The following STRIP1 variants were observed in gnomAD, a reference collection of about 807,000 sequenced individuals.
The protein encoded by STRIP1 is striatin interacting protein 1, also known as striatin-interacting protein 1.
In STRIP1, 63 loss-of-function variants were observed where a neutral mutation model predicts 106.2. The observed-to-expected ratio is 0.59, with a 90% CI of 0.48 to 0.73. The LOEUF (loss-of-function observed/expected upper bound fraction) is 0.73, where lower values mean the gene tolerates loss of function less well. Among genes scored for constraint, STRIP1 ranks in the 30% least tolerant of loss-of-function variants. The pLI is 0.00. For synonymous variants in STRIP1, 390 were observed against 413.0 expected (o/e 0.94, Z 0.67); for missense variants, 857 against 1,074.8 (o/e 0.80, Z 2.83).
rs146631809 is a variant in STRIP1, at chr1:110,043,739, G to C, written c.1169G>C (p.Ser390Thr). The C allele has an allele frequency of 6.2e-7, 1 of 1,614,092 alleles. No individual in the cohort carries two copies. Among genetic ancestry groups the C allele is most frequent in the African/African-American group, 1.3e-5 (1 of 74,944 alleles). The change falls in exon 10 of 21, where the codon AGT becomes ACT. Residue 390 changes from serine to threonine, a missense_variant. Ser to Thr is a moderately conservative substitution (Grantham distance 58). Coordinates refer to ENST00000369795, the MANE Select transcript of STRIP1 (RefSeq NM_033088.4). ...EEEEENDDDN[S>T]LEGETFPLER... The stretch of plus-strand genomic sequence containing the variant: ...GAAGAGGAGAATGATGATGACAACA[G>C]TCTGGAGGGGGAGACGTTTCCCCTG...
chr1:110,049,421 C>T lies in STRIP1; in HGVS notation c.1789-39C>T, dbSNP rs200499914. The T allele has an allele frequency of 8.3e-5, 121 of 1,454,652 alleles. No individual in the cohort carries two copies. The African/African-American group carries it at 9.2e-4, about 11-fold the overall frequency. The allele number at this position is 1,454,652 out of a possible 1,614,324, so 90.1% of individuals were successfully genotyped here. A position where few individuals can be genotyped will look rare whatever the true frequency, so the allele number is the denominator to read the frequency against. ...GGAAAGAGGGCAAGGTCCCAAGGGC[C>T]GCGCCTTTTTTTTTTTTTTTTTTTC... On this transcript the variant is annotated intron_variant, in intron 16 of 20. Coordinates refer to ENST00000369795, the MANE Select transcript of STRIP1 (RefSeq NM_033088.4).
intron 4 of STRIP1, 29 bp downstream of exon 4, chr1:110,039,335 T>C: frequency 6.2e-7 from 1 of 1,613,980 alleles, no homozygotes; most frequent in Non-Finnish European, 8.5e-7. Context: ...CAGGGTTCCC[T>C]GGCACCTCTG....
At chr1:110,047,079 C>T (rs893549549) in intron 13 of STRIP1, among the ~76,000 whole-genome samples, 9 of 152,124 alleles carry the variant, frequency 5.9e-5, no homozygotes, top group African/African-American at 2.2e-4. Context: ...TCTTCAGCCC[C>T]CGGGATCCCC....
intron 15 of STRIP1, 101 bp downstream of exon 15, chr1:110,047,970 C>A: frequency 3.0e-6 from 3 of 988,790 alleles, no homozygotes; most frequent in South Asian, 2.9e-5. Flanking sequence ...CCCAGCTCTA[C>A]AGGTTAAATG....
At chr1:110,039,953 T>C in intron 5 of STRIP1, 1 of 1,234,024 alleles carries the variant, frequency 8.1e-7, no homozygotes, top group South Asian at 1.3e-5. Flanking sequence ...CTGCTGCTCA[T>C]CTAAGGATAA....
chr1:110,034,712 G>T lies in STRIP1; in HGVS notation c.75G>T (p.Pro25=). The change falls in exon 1 of 21, where the codon CCG becomes CCT. Residue 25 remains proline, a synonymous_variant. Coordinates refer to ENST00000369795, the MANE Select transcript of STRIP1 (RefSeq NM_033088.4). ...AGCCCCAGCCCCCGCCACCTCCGCC[G>T]CCGGCAGCCGCACAGCCACCACCCG... ...NKQPQPPPPP[P]PAAAQPPPGA... is the part of the protein sequence containing the mutation. The T allele has an allele frequency of 6.6e-7, 1 of 1,508,538 alleles. No individual in the cohort carries two copies. The highest frequency in any genetic ancestry group is 2.8e-5 in the East Asian group (1 of 35,470). The allele number at this position is 1,508,538 out of a possible 1,614,324, so 93.4% of individuals were successfully genotyped here.
intron 2 of STRIP1, 94 bp downstream of exon 2, chr1:110,038,054 T>G (rs1379580990): frequency 6.0e-6 from 3 of 498,422 alleles, no homozygotes; most frequent in Non-Finnish European, 1.1e-5. Flanking sequence ...GCTTCATTGC[T>G]TTCCCTAGTT....
rs747665790 is a variant in STRIP1 at position 110,039,147 on chromosome 1, G to A, written c.326-25G>A. ...ATTGTGAGGATTTTTCTAGGCTCAG[G>A]TGTAACTGGTTTCTTGCCCTGCAGT... On this transcript the variant is annotated intron_variant, in intron 3 of 20. Coordinates refer to ENST00000369795, the MANE Select transcript of STRIP1 (RefSeq NM_033088.4). 1.2e-5 allele frequency: 19 copies of A among 1,612,810 alleles called. No homozygotes were observed. The South Asian group carries it at 1.6e-4, about 14-fold the overall frequency.
At chr1:110,048,191 A>G (rs41281354) in intron 15 of STRIP1, 10,085 of 314,884 alleles carry the variant, frequency 0.032, 572 homozygotes, top group African/African-American at 0.15. Flanking sequence ...GCTGTGATTG[A>G]GACACCCAGG....
upstream of STRIP1, among the ~76,000 whole-genome samples, chr1:110,033,862 T>A (rs1303942962): frequency 6.6e-6 from 1 of 152,264 alleles, no homozygotes; most frequent in Non-Finnish European, 1.5e-5. Flanking sequence ...AGCAAGAAAC[T>A]TCTTATCCTT....
At position 110,045,072 on chromosome 1, in the gene STRIP1, G is replaced by C; in HGVS notation, c.1410G>C (p.Leu470=). 1 of 1,614,046 alleles carries C rather than the reference G, an allele frequency of 6.2e-7. No homozygotes were observed. Among genetic ancestry groups the C allele is most frequent in the Non-Finnish European group, 8.5e-7 (1 of 1,179,966 alleles). The change falls in exon 12 of 21, where the codon CTG becomes CTC. Residue 470 remains leucine, a synonymous_variant. Transcript: ENST00000369795. ...CAATCCACGAAAGCATCAAGACTCT[G>C]AAACAGGTGAGTGGCTTTGGGTGAG... ...PRPIHESIKT[L]KQHKYTSIAE...
chr1:110,044,936 AGCTCTCCCG>A, intron 11 of STRIP1, 31 bp downstream of exon 11: 1 of 1,613,972 alleles, frequency 6.2e-7, no homozygotes, highest in Non-Finnish European at 8.5e-7. Context: ...TTTTGCTGTT[AGCTCTCCCG>A]GCCTTTGGTG....
At chr1:110,047,421 T>C (rs2101780356) in intron 13 of STRIP1, 121 bp from the exon 14 acceptor site, 5 of 728,834 alleles carry the variant, frequency 6.9e-6, no homozygotes, top group East Asian at 2.7e-5. Flanking sequence ...TTTGCTGTTA[T>C]CATCATTAAC....
intron 2 of STRIP1, 151 bp downstream of exon 2, chr1:110,038,111 T>TATAC (rs1412174294): frequency 2.7e-5 from 4 of 148,304 alleles, no homozygotes; most frequent in African/African-American, 1.2e-4. Flanking sequence ...TATATATATA[T>TATAC]ATGTATAAAA....
rs756717453 is a variant in STRIP1 at position 110,039,293 on chromosome 1, C to CT, written c.448dup (p.Tyr150LeufsTer63). ...GACTCAAGGTGGCTCGAGCAATTCT[C>CT]TATGTTGCTCAAGGTATTGAGTGGA... On this transcript the variant is annotated frameshift_variant, in exon 4 of 21. Transcript: ENST00000369795. LOFTEE classifies it high-confidence loss of function. 6.2e-7 allele frequency: 1 copy of CT among 1,614,174 alleles called. No individual in the cohort carries two copies. The highest frequency in any genetic ancestry group is 8.5e-7 in the Non-Finnish European group (1 of 1,180,022).
chr1:110,053,406 A>G (rs1653392634), intron 20 of STRIP1, among the ~76,000 whole-genome samples: 1 of 152,338 alleles, frequency 6.6e-6, no homozygotes, highest in African/African-American at 2.4e-5. Flanking sequence ...CCACTTTGAG[A>G]GAAATGTGTT....
chr1:110,048,556 C>T (rs1653140178), intron 15 of STRIP1, among the ~76,000 whole-genome samples: 1 of 152,194 alleles, frequency 6.6e-6, no homozygotes, highest in Admixed American at 6.5e-5. Context: ...GGGAGGATCA[C>T]AGAACACTAG....
chr1:110,039,692 T>C, intron 5 of STRIP1, 177 bp downstream of exon 5: 1 of 982,212 alleles, frequency 1.0e-6, no homozygotes, highest in Non-Finnish European at 1.5e-6. Context: ...TGAAGATTAA[T>C]GGAGACTAAT....
upstream of STRIP1, among the ~76,000 whole-genome samples, chr1:110,032,578 A>G (rs1652244868): frequency 1.3e-5 from 2 of 152,156 alleles, no homozygotes; most frequent in Non-Finnish European, 2.9e-5. Flanking sequence ...TGAAGTCTTG[A>G]TCTTTCCTCT....
Sources: gnomAD v4.1 joint callset for allele counts (sites outside exome capture counted in the v4.1 genomes callset) on GRCh38, gnomAD v4.1.1 for gene constraint, MANE v1.5 for transcripts, NCBI Gene and HGNC (gene_info 2026-07-23, HGNC 2026-07-21) for gene names.